FBN3: variants seen among roughly 807,000 people sequenced by gnomAD.
FBN3 encodes fibrillin-3.
Under a neutral mutation model 330.1 loss-of-function variants are expected in FBN3, and 234 were observed. The observed-to-expected ratio is 0.71, with a 90% CI of 0.64 to 0.79. FBN3 has a LOEUF of 0.79. Among genes scored for constraint, FBN3 ranks in the 30% least tolerant of loss-of-function variants. The pLI is 0.00. For synonymous variants in FBN3, 1,458 were observed against 1,517.3 expected, an observed-to-expected ratio of 0.96 and a Z score of 0.91; for missense variants, 3,606 against 3,886.9, an observed-to-expected ratio of 0.93 and a Z score of 1.92.
At chr19:8,139,288 A>G (rs2083359855) in intron 8 of FBN3, among the ~76,000 whole-genome samples, 1 of 152,190 alleles carries the variant, frequency 6.6e-6, no homozygotes, top group South Asian at 2.1e-4. Context: ...CAGAGGTTGT[A>G]GTGAGCCAAG....
intron 26 of FBN3, among the ~76,000 whole-genome samples, chr19:8,118,014 GCA>G (rs1325988431): frequency 7.9e-5 from 12 of 151,578 alleles, no homozygotes; most frequent in South Asian, 2.1e-4. Context: ...ACACCCATGT[GCA>G]CACACAGACA....
Position 8,096,484 on chromosome 19 carries a change from G to C in FBN3, c.5499C>G (p.His1833Gln). ...GGTCTGCAGAGGCCTGGAATCCACG[G>C]TGACACAGACACATGTAGCTGCCTT... ...DTEGSYMCLC[H>Q]RGFQASADQT... The change falls in exon 44 of 64, where the codon CAC becomes CAG. Residue 1833 changes from histidine to glutamine, a missense_variant. Physicochemically the swap from His to Gln is conservative, Grantham distance 24 (BLOSUM62 0). Transcript: ENST00000600128. The surrounding 1 kb of genome is among the most constrained non-coding windows in gnomAD (Gnocchi z 4.6). 6.2e-7 allele frequency: 1 copy of C among 1,613,988 alleles called. No individual in the cohort carries two copies.
intron 56 of FBN3, 80 bp from the exon 57 acceptor site, chr19:8,083,452 GCAGCCGTCTCCTCGGAGGAAAGTC>G: frequency 1.9e-6 from 3 of 1,542,196 alleles, no homozygotes; most frequent in Non-Finnish European, 2.7e-6. Context: ...TCTCTGCCCA[GCAGCCGTCTCCTCGGAGGAAAGTC>G]CAGCCTCCCT....
Position 8,118,980 on chromosome 19 carries a change from C to T in FBN3, c.3254G>A (p.Gly1085Asp), listed in dbSNP as rs147039026. ...CARDPLLCRG[G>D]TCTNTDGSYK... Reference sequence around the variant, plus strand: ...GCTCCCATCCGTGTTGGTGCAAGTGCCTCCCCGGCAGAGCAGCGGGTCCCT... The same window carrying T: ...GCTCCCATCCGTGTTGGTGCAAGTGTCTCCCCGGCAGAGCAGCGGGTCCCT... The change falls in exon 26 of 64, where the codon GGC (glycine) becomes GAC (aspartate). Residue 1085 changes from glycine to aspartate, a missense_variant. Transcript: ENST00000600128. The T allele has an allele frequency of 2.3e-5, 37 of 1,611,076 alleles. No individual in the cohort carries two copies. The East Asian group carries it at 7.1e-4, about 31-fold the overall frequency.
At position 8,081,044 on chromosome 19, in the gene FBN3, C is replaced by T. The variant is rs3848570; in HGVS notation, c.7412G>A (p.Arg2471His). The T allele has an allele frequency of 0.043, 69,412 of 1,612,954 alleles. 1,779 individuals are homozygous for T. The highest frequency in any genetic ancestry group is 0.05 in the Non-Finnish European group (59,293 of 1,179,574). Residue 2471 changes from arginine to histidine, a missense_variant, in exon 59 of 64, where the codon CGC becomes CAC. By Grantham distance (29) the Arg-to-His change is conservative. Coordinates refer to ENST00000600128, the MANE Select transcript of FBN3 (RefSeq NM_032447.5). ...GTGCTGGGTGAAGCCGGGCGGACAG[C>T]GGCAGGTGAAGGCGCCCACAGTGTT... ...CVNTVGAFTC[R>H]CPPGFTQHHQ...
In FBN3 at chr19:8,066,339, GC is replaced by G. The variant is rs942744967; in HGVS notation, c.8089-80del. The G allele has an allele frequency of 1.4e-5, 15 of 1,068,394 alleles. No homozygotes were observed. The African/African-American group carries it at 2.4e-4, about 17-fold the overall frequency. The allele number at this position is 1,068,394 out of a possible 1,614,324, so 66.2% of individuals were successfully genotyped here. A position where few individuals can be genotyped will look rare whatever the true frequency, so the allele number is the denominator to read the frequency against. ...GTGGGTAGGGGGTCCTCGGATTGTG[GC>G]CAAAGAGGAGATTCTGGCCAATCTC... On this transcript the variant is annotated intron_variant, in intron 63 of 63. Transcript: ENST00000600128.
chr19:8,127,015 G>A (rs2083006834), intron 18 of FBN3, among the ~76,000 whole-genome samples, 183 bp from the exon 19 acceptor site: 1 of 147,030 alleles, frequency 6.8e-6, no homozygotes, highest in Non-Finnish European at 1.5e-5. Context: ...AGCTGTGTGT[G>A]TACATGCTGT....
At chr19:8,095,553 T>A in intron 45 of FBN3, 50 bp from the exon 46 acceptor site, 1 of 1,593,844 alleles carries the variant, frequency 6.3e-7, no homozygotes, top group Non-Finnish European at 8.6e-7. Flanking sequence ...CTTGAAGGGA[T>A]CAAACCTTCC....
At position 8,089,894 on chromosome 19, in the gene FBN3, C is replaced by T. The variant is rs762293741; in HGVS notation, c.6250G>A (p.Asp2084Asn). Reference protein sequence around the residue: ...AVPGPDDSREDVNECAENPGV... With the variant: ...AVPGPDDSRENVNECAENPGV... ...CTTAGCATGTGGGTGAGGGGCTCAC[C>T]TTCTCGGGAGTCATCCGGGCCTGGG... Residue 2084 changes from aspartate (D) to asparagine (N), a missense_variant and splice_region_variant, in exon 50 of 64, where the codon GAC (aspartate) becomes AAC (asparagine). By Grantham distance (23) the Asp-to-Asn change is conservative. Transcript: ENST00000600128. The T allele has an allele frequency of 5.6e-6, 9 of 1,595,836 alleles. No homozygotes were observed. In the African/African-American group the frequency reaches 1.1e-4, roughly 19 times the overall value.
chr19:8,143,335 G>GTCC, intron 6 of FBN3, among the ~76,000 whole-genome samples: 1 of 152,020 alleles, frequency 6.6e-6, no homozygotes, highest in Non-Finnish European at 1.5e-5. Flanking sequence ...TGAGCTCAGA[G>GTCC]TCCTCCTCCT....
In FBN3 at chr19:8,131,792, G is replaced by T. The variant is rs571972310; in HGVS notation, c.1752C>A (p.Asn584Lys). The change falls in exon 15 of 64, where the codon AAC becomes AAA. Residue 584 changes from asparagine (N) to lysine (K), a missense_variant. By Grantham distance (94) the Asn-to-Lys change is moderately conservative. Transcript: ENST00000600128. The surrounding 1 kb of genome is among the most constrained non-coding windows in gnomAD (Gnocchi z 4.5). ...DECQTPGICV[N>K]GHCTNTEGSF... ...AGCCCTCGGTGTTGGTACAGTGGCC[G>T]TTCACGCAGATGCCGGGCGTCTGGC... 11 of 1,606,480 alleles carry T rather than the reference G, an allele frequency of 6.8e-6. No homozygotes were observed. In the African/African-American group the frequency reaches 8.0e-5, roughly 12 times the overall value.
At chr19:8,088,219 T>C in intron 51 of FBN3, 40 bp from the exon 52 acceptor site, 1 of 1,546,802 alleles carries the variant, frequency 6.5e-7, no homozygotes, top group Non-Finnish European at 8.7e-7. Context: ...CTGCAGAGGG[T>C]CCCCCATCCT....
Position 8,087,227 on chromosome 19 carries a change from G to C in FBN3, c.6620-16C>G, listed in dbSNP as rs765875788. ...TCGTCCACATCTTCGGATGACCAGA[G>C]ACAGATGGTCAGTCAAGGCCAGGCA... is the stretch of plus-strand genomic sequence containing the variant. On this transcript the variant is annotated splice_polypyrimidine_tract_variant and intron_variant, in intron 53 of 63. Coordinates refer to ENST00000600128, the MANE Select transcript of FBN3 (RefSeq NM_032447.5). 2 of 1,571,000 alleles carry C rather than the reference G, an allele frequency of 1.3e-6. No individual in the cohort carries two copies. The highest frequency in any genetic ancestry group is 1.8e-5 in the Admixed American group (1 of 54,538).
intron 63 of FBN3, among the ~76,000 whole-genome samples, chr19:8,069,560 C>T (rs2081467586): frequency 6.6e-6 from 1 of 152,172 alleles, no homozygotes. Context: ...CCCCTGCTGG[C>T]AGTCAGTGGG....
In FBN3 at chr19:8,143,037, A is replaced by G. The variant is rs2083449502; in HGVS notation, c.542-900T>C. 2.0e-5 allele frequency among the ~76,000 whole-genome samples: 3 copies of G among 151,866 alleles called. No individual in the cohort carries two copies. In the South Asian group the frequency reaches 6.2e-4, roughly 32 times the overall value. On this transcript the variant is annotated intron_variant, in intron 6 of 63. Transcript: ENST00000600128. ...CCTTCCTGGGCTGAAACACCACATT[A>G]GGCACCCAGATGCCTCTGCATCTGA...
intron 27 of FBN3, 58 bp from the exon 28 acceptor site, chr19:8,117,349 G>C: frequency 6.5e-7 from 1 of 1,535,540 alleles, no homozygotes; most frequent in Non-Finnish European, 8.8e-7. Context: ...AGGATGGGGA[G>C]GGGGCTGGTT....
Position 8,138,128 on chromosome 19 carries a change from C to T in FBN3, c.1201+13G>A. ...CAAGTCTTGGAATGTTCCTCCCAAG[C>T]CCCAGGCCTCACCAATATTAGAGTT... On this transcript the variant is annotated intron_variant, in intron 10 of 63. Transcript: ENST00000600128. The T allele has an allele frequency of 6.2e-7, 1 of 1,600,260 alleles. No individual in the cohort carries two copies. The highest frequency in any genetic ancestry group is 1.8e-5 in the Admixed American group (1 of 56,894).
intron 40 of FBN3, among the ~76,000 whole-genome samples, chr19:8,102,291 T>C (rs1319889922): frequency 1.3e-5 from 2 of 151,946 alleles, no homozygotes; most frequent in African/African-American, 4.8e-5. Flanking sequence ...CGCGGCTCAC[T>C]GGAAACCCCA....
Position 8,131,798 on chromosome 19 carries a change from G to A in FBN3, c.1746C>T (p.Cys582=), listed in dbSNP as rs557428976. 12 of 1,604,508 alleles carry A rather than the reference G, an allele frequency of 7.5e-6. No homozygotes were observed. Among genetic ancestry groups the A allele is most frequent in the African/African-American group, 5.3e-5 (4 of 74,890 alleles). ...DIDECQTPGI[C]VNGHCTNTEG... Reference sequence around the variant, plus strand: ...CGGTGTTGGTACAGTGGCCGTTCACGCAGATGCCGGGCGTCTGGCACTCGT... The same window carrying A: ...CGGTGTTGGTACAGTGGCCGTTCACACAGATGCCGGGCGTCTGGCACTCGT... The change falls in exon 15 of 64, where the codon TGC becomes TGT. Residue 582 remains cysteine (C), a synonymous_variant. Coordinates refer to ENST00000600128, the MANE Select transcript of FBN3 (RefSeq NM_032447.5). The surrounding 1 kb of genome is among the most constrained non-coding windows in gnomAD (Gnocchi z 4.5).
Sources: allele counts gnomAD v4.1 joint callset (sites outside exome capture counted in the v4.1 genomes callset), GRCh38; gene constraint gnomAD v4.1.1; non-coding constraint Gnocchi (gnomAD v3.1); transcripts MANE v1.5; gene names NCBI Gene and HGNC (gene_info 2026-07-23, HGNC 2026-07-21).